Variants in RNF212 observed in about 807,000 individuals in gnomAD.
RNF212 encodes probable E3 SUMO-protein ligase RNF212.
RNF212 carries 33 observed loss-of-function variants against 34.7 expected under a neutral mutation model. The ratio of observed to expected loss-of-function variants is 0.95; its 90% CI spans 0.72 to 1.27. The LOEUF (loss-of-function observed/expected upper bound fraction) is 1.27, where lower values mean the gene tolerates loss of function less well. RNF212 is among the 50% of genes most tolerant of loss of function. RNF212 has a pLI of 0.00. For missense variants in RNF212, 377 were observed against 362.2 expected, an observed-to-expected ratio of 1.04 and a Z score of -0.33; for synonymous variants, 140 against 136.1, an observed-to-expected ratio of 1.03 and a Z score of -0.20.
chr4:1,086,457 A>G (rs1014099937), intron 4 of RNF212, among the ~76,000 whole-genome samples: 4 of 150,382 alleles, frequency 2.7e-5, no homozygotes, highest in African/African-American at 9.8e-5. Context: ...AGGAGACAAC[A>G]TACACAAAAT....
At chr4:1,110,101 G>T (rs559907179) in intron 1 of RNF212, among the ~76,000 whole-genome samples, 1 of 152,130 alleles carries the variant, frequency 6.6e-6, no homozygotes, top group Non-Finnish European at 1.5e-5. Flanking sequence ...CATAAAAATC[G>T]AAAAGTTCTT....
chr4:1,063,434 G>C (rs1717878520), intron 3 of RNF212, among the ~76,000 whole-genome samples: 1 of 152,182 alleles, frequency 6.6e-6, no homozygotes, highest in South Asian at 2.1e-4. Flanking sequence ...GAAATGGCTG[G>C]GTACGGTGGC....
intron 8 of RNF212, among the ~76,000 whole-genome samples, chr4:1,077,120 C>T (rs887863909): frequency 6.6e-6 from 1 of 152,072 alleles, no homozygotes; most frequent in African/African-American, 2.4e-5. Context: ...CCCAGCTACT[C>T]GGGAGGCTGA....
chr4:1,099,943 C>A, intron 2 of RNF212: 1 of 450,658 alleles, frequency 2.2e-6, no homozygotes, highest in Non-Finnish European at 4.5e-6. Flanking sequence ...AAAGAGGGCT[C>A]TTATCATCAT....
chr4:1,065,018 C>G, intron 3 of RNF212, among the ~76,000 whole-genome samples: 1 of 152,246 alleles, frequency 6.6e-6, no homozygotes. Flanking sequence ...TACGGAGACA[C>G]ACATTGTGCC....
At chr4:1,058,277 G>A (rs1322642431) in intron 4 of RNF212, 1 of 682,082 alleles carries the variant, frequency 1.5e-6, no homozygotes, top group African/African-American at 2.1e-5. Context: ...GGTGCTTGCG[G>A]GGGTTAGAAC....
At chr4:1,059,003 A>G (rs1717554230) in intron 3 of RNF212, among the ~76,000 whole-genome samples, 1 of 152,228 alleles carries the variant, frequency 6.6e-6, no homozygotes. Context: ...GCCTTGTAAC[A>G]TGAAAGGGGA....
intron 8 of RNF212, 87 bp downstream of exon 8, chr4:1,079,556 G>T: frequency 1.1e-6 from 1 of 907,152 alleles, no homozygotes; most frequent in South Asian, 1.3e-5. Context: ...ACTGTTGCAC[G>T]AGAGGTTACG....
intron 3 of RNF212, among the ~76,000 whole-genome samples, chr4:1,092,393 C>T (rs1022257592): frequency 1.3e-5 from 2 of 152,110 alleles, no homozygotes; most frequent in Admixed American, 6.5e-5. Flanking sequence ...CTCACATGAG[C>T]TTGGGGGGCA....
intron 2 of RNF212, chr4:1,099,843 C>A (rs780719021): frequency 2.2e-6 from 1 of 456,250 alleles, no homozygotes; most frequent in South Asian, 1.5e-5. Flanking sequence ...ACACGGGTAC[C>A]CCTGTGCGGG....
At position 1,073,160 on chromosome 4, in the gene RNF212, G is replaced by A. The variant is rs760677727; in HGVS notation, c.608C>T (p.Pro203Leu). 4 of 1,614,058 alleles carry A rather than the reference G, an allele frequency of 2.5e-6. No homozygotes were observed. The South Asian group carries it at 3.3e-5, about 13-fold the overall frequency. ...PHLTASFCFI[P>L]WLTLSKPPVP... ...AGGGGGCTTAGACAAGGTCAACCAT[G>A]GGATGAAACAGAAAGAAGCTGTTAG... The change falls in exon 10 of 10, where the codon CCA becomes CTA. Residue 203 changes from proline (P) to leucine (L), a missense_variant. Coordinates refer to ENST00000433731, the MANE Select transcript of RNF212 (RefSeq NM_001131034.4).
At chr4:1,093,144 T>G (rs577776546) in intron 3 of RNF212, among the ~76,000 whole-genome samples, 28 of 152,248 alleles carry the variant, frequency 1.8e-4, no homozygotes, top group Admixed American at 1.8e-3. Flanking sequence ...CTGAGGTGGT[T>G]TGTTGACGCT....
intron 8 of RNF212, among the ~76,000 whole-genome samples, chr4:1,077,124 A>T (rs1719438248): frequency 1.3e-5 from 2 of 152,168 alleles, no homozygotes; most frequent in South Asian, 4.1e-4. Flanking sequence ...GCTACTCGGG[A>T]GGCTGAGGCA....
chr4:1,098,932 T>G (rs1337705941), intron 2 of RNF212, among the ~76,000 whole-genome samples: 2 of 152,080 alleles, frequency 1.3e-5, no homozygotes, highest in African/African-American at 4.8e-5. Flanking sequence ...TGGGAGCAAC[T>G]GAAGAAGCTG....
intron 5 of RNF212, among the ~76,000 whole-genome samples, chr4:1,082,891 T>C (rs1577691447): frequency 6.6e-6 from 1 of 152,294 alleles, no homozygotes; most frequent in East Asian, 1.9e-4. Flanking sequence ...GGGCACTTGC[T>C]CCTGATTCCA....
intron 7 of RNF212, among the ~76,000 whole-genome samples, chr4:1,080,185 C>T (rs1410296834): frequency 6.6e-6 from 1 of 152,196 alleles, no homozygotes; most frequent in South Asian, 2.1e-4. Context: ...ATTCATTTTG[C>T]GTTGGCCCCC....
chr4:1,073,082 AC>A lies in RNF212; in HGVS notation c.685del (p.Val229SerfsTer9), dbSNP rs781542530. 5.6e-6 allele frequency: 9 copies of A among 1,614,202 alleles called. No homozygotes were observed. The South Asian group carries it at 7.7e-5, about 14-fold the overall frequency. ...SRGSPCFCID[V>X]CPHWLLLLAF... is the part of the protein sequence containing the mutation. The stretch of plus-strand genomic sequence containing the variant: ...TAGGAGGAGCAGCCAGTGAGGACAG[AC>A]GTCTATGCAGAAACATGGTGAACCT... On this transcript the variant is annotated frameshift_variant, in exon 10 of 10. Transcript: ENST00000433731. LOFTEE classifies it low-confidence loss of function (END_TRUNC).
chr4:1,065,069 T>C (rs1223680689), intron 3 of RNF212, among the ~76,000 whole-genome samples: 2 of 152,244 alleles, frequency 1.3e-5, no homozygotes, highest in Non-Finnish European at 2.9e-5. Flanking sequence ...CTCCCATGTT[T>C]TAGACACTGT....
Position 1,079,690 on chromosome 4 carries a change from T to C in RNF212, c.465-2A>G, listed in dbSNP as rs1720012950. Reference sequence around the variant, plus strand: ...AGATCAACTTCCATCGACTCCAGTCTGTTAAACACATAGTGAAAGGCTTTG... The same window carrying C: ...AGATCAACTTCCATCGACTCCAGTCCGTTAAACACATAGTGAAAGGCTTTG... On this transcript the variant is annotated splice_acceptor_variant, in intron 7 of 9. Transcript: ENST00000433731. LOFTEE classifies it high-confidence loss of function. 1.2e-6 allele frequency: 2 copies of C among 1,609,208 alleles called. No homozygotes were observed. Among genetic ancestry groups the C allele is most frequent in the Non-Finnish European group, 8.5e-7 (1 of 1,175,594 alleles).
Sources: allele counts gnomAD v4.1 joint callset (sites outside exome capture counted in the v4.1 genomes callset), GRCh38; gene constraint gnomAD v4.1.1; transcripts MANE v1.5; gene names NCBI Gene and HGNC (gene_info 2026-07-23, HGNC 2026-07-21).